TMEM108: variants seen among roughly 807,000 people sequenced by gnomAD.
The protein encoded by TMEM108 is cancer/testis antigen 124.
A neutral mutation model predicts 35.1 loss-of-function variants in TMEM108; 12 were observed. The ratio of observed to expected loss-of-function variants is 0.34; its 90% CI spans 0.22 to 0.55. The LOEUF (loss-of-function observed/expected upper bound fraction) is 0.55, where lower values mean the gene tolerates loss of function less well. Ranked by LOEUF, TMEM108 falls within the 20% of genes least tolerant of loss-of-function variation. TMEM108 has a pLI of 0.89. For synonymous variants in TMEM108, 287 were observed against 308.6 expected (o/e 0.93, Z 0.73); for missense variants, 680 against 753.3 (o/e 0.90, Z 1.14).
intron 3 of TMEM108, among the ~76,000 whole-genome samples, chr3:133,313,145 G>A (rs2071154501): frequency 1.3e-5 from 2 of 151,244 alleles, no homozygotes; most frequent in African/African-American, 4.9e-5. Flanking sequence ...AGCATTAACA[G>A]TTTTGAAAAT....
At position 133,380,422 on chromosome 3, in the gene TMEM108, C is replaced by T; in HGVS notation, c.711C>T (p.Pro237=). 6.2e-7 allele frequency: 1 copy of T among 1,613,636 alleles called. No homozygotes were observed. Among genetic ancestry groups the T allele is most frequent in the Non-Finnish European group, 8.5e-7 (1 of 1,179,712 alleles). The part of the protein sequence containing the change: ...SVEPEPSTLT[P]RTPLWGYSSS... ...AACCGGAGCCCTCTACCCTCACCCCCAGGACCCCACTCTGGGGCTACTCCT... is the reference window on the plus strand; with the variant it reads ...AACCGGAGCCCTCTACCCTCACCCCTAGGACCCCACTCTGGGGCTACTCCT... Residue 237 remains proline, a synonymous_variant, in exon 4 of 6, where the codon CCC becomes CCT. Transcript: ENST00000321871. The surrounding 1 kb of genome is among the most constrained non-coding windows in gnomAD (Gnocchi z 5.3).
chr3:133,093,697 C>T (rs1212203588), intron 2 of TMEM108, among the ~76,000 whole-genome samples: 1 of 152,206 alleles, frequency 6.6e-6, no homozygotes, highest in Non-Finnish European at 1.5e-5. Context: ...GTGGAAGAAA[C>T]TTAATTCTGA....
chr3:133,229,427 T>C (rs1576397383), intron 3 of TMEM108, 76 bp downstream of exon 3: 3 of 1,438,326 alleles, frequency 2.1e-6, no homozygotes, highest in African/African-American at 1.4e-5. Flanking sequence ...AACTTACTTT[T>C]TGGACGGAGA....
At chr3:133,196,459 T>C (rs181281187) in intron 2 of TMEM108, among the ~76,000 whole-genome samples, 5 of 152,346 alleles carry the variant, frequency 3.3e-5, no homozygotes, top group African/African-American at 1.2e-4. Context: ...ATGATGATGG[T>C]GGCCATGTAG....
chr3:133,299,392 C>G (rs901369860), intron 3 of TMEM108, among the ~76,000 whole-genome samples: 9 of 152,130 alleles, frequency 5.9e-5, no homozygotes, highest in African/African-American at 1.9e-4. Flanking sequence ...AAGCCGTGTT[C>G]TCTAGAATTT....
intron 3 of TMEM108, among the ~76,000 whole-genome samples, chr3:133,340,956 A>T (rs1488807311): frequency 6.6e-6 from 1 of 151,844 alleles, no homozygotes; most frequent in Non-Finnish European, 1.5e-5. Flanking sequence ...CACTAGTATC[A>T]TACTGAATGG....
chr3:133,176,569 T>G (rs532064606), intron 2 of TMEM108, among the ~76,000 whole-genome samples: 3 of 152,166 alleles, frequency 2.0e-5, no homozygotes, highest in African/African-American at 7.2e-5. Context: ...GAATGACTAC[T>G]GGGTACATAA....
intron 2 of TMEM108, among the ~76,000 whole-genome samples, chr3:133,109,931 A>G (rs1172956361): frequency 6.6e-6 from 1 of 152,108 alleles, no homozygotes; most frequent in Non-Finnish European, 1.5e-5. Context: ...AGGAATTGTG[A>G]TTTGTAGCTA....
chr3:133,360,564 G>C lies in TMEM108; in HGVS notation c.41-19188G>C, dbSNP rs1019811417. Among the ~76,000 whole-genome samples, 3 of 152,272 alleles carry C rather than the reference G, an allele frequency of 2.0e-5. No individual in the cohort carries two copies. In the East Asian group the frequency reaches 5.8e-4, roughly 29 times the overall value. On this transcript the variant is annotated intron_variant, in intron 3 of 5. Coordinates refer to ENST00000321871, the MANE Select transcript of TMEM108 (RefSeq NM_023943.4). Reference sequence around the variant, plus strand: ...CTGCATTTGTTCTTTGTCCAAGCCAGCTGAGGGATCTGGTCTGAAAACTAG... The same window carrying C: ...CTGCATTTGTTCTTTGTCCAAGCCACCTGAGGGATCTGGTCTGAAAACTAG...
intron 2 of TMEM108, among the ~76,000 whole-genome samples, chr3:133,117,429 C>A (rs550852600): frequency 6.6e-6 from 1 of 152,244 alleles, no homozygotes; most frequent in African/African-American, 2.4e-5. Flanking sequence ...CCAGAACTGC[C>A]CAATGGAAGA....
chr3:133,336,001 G>T (rs2071491290), intron 3 of TMEM108, among the ~76,000 whole-genome samples: 1 of 152,164 alleles, frequency 6.6e-6, no homozygotes, highest in Admixed American at 6.5e-5. Context: ...CACCCATCAA[G>T]GGAGTATTTA....
intron 3 of TMEM108, among the ~76,000 whole-genome samples, chr3:133,361,890 A>G (rs533089635): frequency 6.6e-6 from 1 of 152,316 alleles, no homozygotes; most frequent in South Asian, 2.1e-4. Context: ...AACCTATGGG[A>G]TGAGATATTT....
At chr3:133,331,276 G>A (rs534390131) in intron 3 of TMEM108, among the ~76,000 whole-genome samples, 1 of 152,124 alleles carries the variant, frequency 6.6e-6, no homozygotes, top group South Asian at 2.1e-4. Flanking sequence ...GTTTGGAGAC[G>A]CTCACTGTCA....
chr3:133,118,607 AC>A (rs1944315283), intron 2 of TMEM108, among the ~76,000 whole-genome samples: 1 of 152,176 alleles, frequency 6.6e-6, no homozygotes. Context: ...GGGTATTGTT[AC>A]CAGATTGTGT....
At chr3:133,061,441 C>T (rs1348366561) in intron 2 of TMEM108, among the ~76,000 whole-genome samples, 2 of 152,070 alleles carry the variant, frequency 1.3e-5, no homozygotes, top group Non-Finnish European at 2.9e-5. Context: ...TCTCCATCTC[C>T]TGACCTCGTG....
intron 2 of TMEM108, among the ~76,000 whole-genome samples, chr3:133,137,283 G>A (rs79546996): frequency 0.035 from 5,388 of 152,206 alleles, 314 homozygotes; most frequent in African/African-American, 0.12. Flanking sequence ...CAGGCACATG[G>A]CAACTACCGT....
chr3:133,379,929 C>A lies in TMEM108; in HGVS notation c.218C>A (p.Pro73His). ...VVMLTPNPDG[P>H]PSQAAAPMAT... is the part of the protein sequence containing the mutation. ...ATGCTGACCCCCAATCCCGATGGACCCCCCTCACAGGCTGCAGCTCCCATG... is the reference window on the plus strand; with the variant it reads ...ATGCTGACCCCCAATCCCGATGGACACCCCTCACAGGCTGCAGCTCCCATG... Residue 73 changes from proline to histidine, a missense_variant, in exon 4 of 6, where the codon CCC becomes CAC. Pro to His is a moderately conservative substitution (Grantham distance 77). Coordinates refer to ENST00000321871, the MANE Select transcript of TMEM108 (RefSeq NM_023943.4). The A allele has an allele frequency of 6.2e-7, 1 of 1,613,742 alleles. No homozygotes were observed. The highest frequency in any genetic ancestry group is 1.3e-5 in the African/African-American group (1 of 74,936).
At chr3:133,323,011 A>G (rs2071285690) in intron 3 of TMEM108, among the ~76,000 whole-genome samples, 1 of 152,160 alleles carries the variant, frequency 6.6e-6, no homozygotes, top group Non-Finnish European at 1.5e-5. Context: ...GGCATACTTC[A>G]AGGTAATAAA....
intron 1 of TMEM108, among the ~76,000 whole-genome samples, chr3:133,039,162 A>G (rs1333627439): frequency 6.6e-6 from 1 of 152,210 alleles, no homozygotes; most frequent in Non-Finnish European, 1.5e-5. Flanking sequence ...AACCAATTTC[A>G]GATGCAGCGT....
Sources: allele counts gnomAD v4.1 joint callset (sites outside exome capture counted in the v4.1 genomes callset), GRCh38; gene constraint gnomAD v4.1.1; non-coding constraint Gnocchi (gnomAD v3.1); transcripts MANE v1.5; gene names NCBI Gene and HGNC (gene_info 2026-07-23, HGNC 2026-07-21).